Variants in ATP6V1A observed in about 807,000 individuals in gnomAD.
ATP6V1A encodes the protein ATPase H+ transporting V1 subunit A.
Under a neutral mutation model 70.1 loss-of-function variants are expected in ATP6V1A, and 18 were observed. The observed-to-expected ratio is 0.26, with a 90% CI of 0.18 to 0.38. ATP6V1A has a LOEUF of 0.38. Among genes scored for constraint, ATP6V1A ranks in the 10% least tolerant of loss-of-function variants. The probability of loss-of-function intolerance (pLI) is 1.00; values close to 1 mark genes in which losing one functional copy is unlikely to be tolerated. For synonymous variants in ATP6V1A, 232 were observed against 253.8 expected, an observed-to-expected ratio of 0.91 and a Z score of 0.82; for missense variants, 424 against 772.4, an observed-to-expected ratio of 0.55 and a Z score of 5.35.
intron 6 of ATP6V1A, among the ~76,000 whole-genome samples, chr3:113,787,251 A>G (rs770373627): frequency 6.6e-6 from 1 of 152,188 alleles, no homozygotes; most frequent in Non-Finnish European, 1.5e-5. Flanking sequence ...TGGTGAAGGA[A>G]ATCTCTGTAG....
At chr3:113,798,891 C>T (rs1237845705) in intron 12 of ATP6V1A, among the ~76,000 whole-genome samples, 1 of 152,162 alleles carries the variant, frequency 6.6e-6, no homozygotes, top group Non-Finnish European at 1.5e-5. Flanking sequence ...AATGAAAAGA[C>T]TTCTCAGATA....
intron 12 of ATP6V1A, among the ~76,000 whole-genome samples, chr3:113,800,834 T>C (rs912255340): frequency 6.6e-6 from 1 of 152,084 alleles, no homozygotes; most frequent in African/African-American, 2.4e-5. Flanking sequence ...ACCAGTGACA[T>C]TGGGAGAGGA....
At chr3:113,747,692 C>CGGATG (rs576708853) in intron 1 of ATP6V1A, among the ~76,000 whole-genome samples, 4 of 152,112 alleles carry the variant, frequency 2.6e-5, no homozygotes, top group Non-Finnish European at 5.9e-5. Context: ...TCACGTGCTT[C>CGGATG]GGATGGGACT....
intron 3 of ATP6V1A, among the ~76,000 whole-genome samples, chr3:113,783,499 G>A (rs1419010049): frequency 6.6e-6 from 1 of 152,274 alleles, no homozygotes; most frequent in East Asian, 1.9e-4. Flanking sequence ...CTTATTAGGG[G>A]ACTGATATTC....
intron 1 of ATP6V1A, among the ~76,000 whole-genome samples, chr3:113,761,666 G>A (rs1027632761): frequency 2.0e-5 from 3 of 149,684 alleles, no homozygotes; most frequent in Non-Finnish European, 4.4e-5. Context: ...AACCCGGGAG[G>A]CAGAGATTGT....
At chr3:113,793,136 T>C (rs899594176) in intron 8 of ATP6V1A, among the ~76,000 whole-genome samples, 2 of 152,162 alleles carry the variant, frequency 1.3e-5, no homozygotes, top group African/African-American at 4.8e-5. Flanking sequence ...CTTGGCTCAC[T>C]GCAGCCTCTG....
At chr3:113,778,715 C>CTTAT (rs567707043) in intron 1 of ATP6V1A, 26 bp from the exon 2 acceptor site, 5 of 1,364,026 alleles carry the variant, frequency 3.7e-6, no homozygotes, top group East Asian at 2.6e-5. Context: ...ATAATTATAA[C>CTTAT]TTATTTATTT....
At chr3:113,752,175 AAAATGGGTGGTATATG>A (rs1327056458) in intron 1 of ATP6V1A, among the ~76,000 whole-genome samples, 1 of 151,966 alleles carries the variant, frequency 6.6e-6, no homozygotes, top group Non-Finnish European at 1.5e-5. Flanking sequence ...CACTGAAAAT[AAAATGGGTGGTATATG>A]ATATGATATA....
intron 8 of ATP6V1A, among the ~76,000 whole-genome samples, chr3:113,790,217 T>G (rs1709076536): frequency 6.7e-6 from 1 of 148,468 alleles, no homozygotes; most frequent in Non-Finnish European, 1.5e-5. Flanking sequence ...ACAGGAGAAT[T>G]GCTTGAATCC....
intron 1 of ATP6V1A, among the ~76,000 whole-genome samples, chr3:113,763,187 G>A (rs1332179865): frequency 6.6e-6 from 1 of 152,052 alleles, no homozygotes; most frequent in East Asian, 1.9e-4. Flanking sequence ...CCGCTTCCTG[G>A]GTTCACCATT....
chr3:113,792,447 C>T (rs1709106676), intron 8 of ATP6V1A, among the ~76,000 whole-genome samples: 2 of 152,228 alleles, frequency 1.3e-5, no homozygotes, highest in South Asian at 4.2e-4. Context: ...AAGGGATCCT[C>T]TCATCTCAGC....
chr3:113,786,910 C>A (rs1709046016), intron 6 of ATP6V1A, among the ~76,000 whole-genome samples: 1 of 152,072 alleles, frequency 6.6e-6, no homozygotes, highest in East Asian at 1.9e-4. Context: ...TCCTGAGTAG[C>A]TGGGACCACA....
At chr3:113,799,212 T>G (rs1709184041) in intron 12 of ATP6V1A, among the ~76,000 whole-genome samples, 1 of 152,154 alleles carries the variant, frequency 6.6e-6, no homozygotes, top group South Asian at 2.1e-4. Flanking sequence ...TATTAGTGTA[T>G]GAGGTCTAGT....
At chr3:113,789,104 G>T (rs1421989460) in intron 7 of ATP6V1A, among the ~76,000 whole-genome samples, 1 of 152,152 alleles carries the variant, frequency 6.6e-6, no homozygotes, top group Non-Finnish European at 1.5e-5. Context: ...CTGGAGTGCA[G>T]TGACACCATC....
chr3:113,804,425 T>G lies in ATP6V1A; in HGVS notation c.1589+748T>G, dbSNP rs1021955038. Among the ~76,000 whole-genome samples, 6 of 152,340 alleles carry G rather than the reference T, an allele frequency of 3.9e-5. No homozygotes were observed. In the South Asian group the frequency reaches 1.2e-3, roughly 32 times the overall value. ...TCTGTTAGAGCACTCCAACTCCTAC[T>G]CAGTGCTTTCTTTTTTTCATTATTA... On this transcript the variant is annotated intron_variant, in intron 13 of 14. Coordinates refer to ENST00000273398, the MANE Select transcript of ATP6V1A (RefSeq NM_001690.4).
intron 1 of ATP6V1A, among the ~76,000 whole-genome samples, chr3:113,758,913 C>T (rs1708673006): frequency 1.3e-5 from 2 of 152,164 alleles, no homozygotes; most frequent in South Asian, 4.1e-4. Flanking sequence ...CTTGCATTTT[C>T]CTAGTGACTA....
intron 14 of ATP6V1A, among the ~76,000 whole-genome samples, chr3:113,806,704 C>A (rs1709279605): frequency 6.6e-6 from 1 of 152,302 alleles, no homozygotes; most frequent in Non-Finnish European, 1.5e-5. Flanking sequence ...ATGTGATCTA[C>A]CCGCCTCGGC....
intron 14 of ATP6V1A, among the ~76,000 whole-genome samples, chr3:113,805,991 C>T (rs1375394629): frequency 6.6e-6 from 1 of 152,106 alleles, no homozygotes; most frequent in African/African-American, 2.4e-5. Context: ...AGTATATCAG[C>T]CAGGCATAGT....
chr3:113,810,789 T>C lies in ATP6V1A; in HGVS notation c.*1362T>C, dbSNP rs1001976217. On this transcript the variant is annotated 3_prime_UTR_variant, in exon 15 of 15. Transcript: ENST00000273398. The stretch of plus-strand genomic sequence containing the variant: ...TAATGACATATGTCACATGTTTGCA[T>C]GTTTGTTTGCTTGTTGAATTTTTGA... 1.3e-5 allele frequency: 2 copies of C among 152,240 alleles called. No individual in the cohort carries two copies. The highest frequency in any genetic ancestry group is 4.8e-5 in the African/African-American group (2 of 41,462). The allele number at this position is 152,240 out of a possible 1,614,324, so 9.4% of individuals were successfully genotyped here. A position where few individuals can be genotyped will look rare whatever the true frequency, so the allele number is the denominator to read the frequency against.
Sources: allele counts gnomAD v4.1 joint callset (sites outside exome capture counted in the v4.1 genomes callset), GRCh38; gene constraint gnomAD v4.1.1; transcripts MANE v1.5; gene names NCBI Gene and HGNC (gene_info 2026-07-23, HGNC 2026-07-21).